PCBP3: variants seen among roughly 807,000 people sequenced by gnomAD.
The protein encoded by PCBP3 is poly(rC)-binding protein 3.
PCBP3 carries 25 observed loss-of-function variants against 52.7 expected under a neutral mutation model. The ratio of observed to expected loss-of-function variants is 0.47; its 90% CI spans 0.35 to 0.66. The LOEUF (loss-of-function observed/expected upper bound fraction) is 0.66, where lower values mean the gene tolerates loss of function less well. Ranked by LOEUF, PCBP3 falls within the 30% of genes least tolerant of loss-of-function variation. The pLI, the probability that PCBP3 is intolerant of heterozygous loss-of-function variation, is 0.01. For missense variants in PCBP3, 391 were observed against 490.3 expected, an observed-to-expected ratio of 0.80 and a Z score of 1.91; for synonymous variants, 162 against 183.0, an observed-to-expected ratio of 0.89 and a Z score of 0.93.
chr21:45,875,323 G>C (rs977750301), intron 5 of PCBP3, among the ~76,000 whole-genome samples: 9 of 152,226 alleles, frequency 5.9e-5, no homozygotes, highest in African/African-American at 2.4e-5. Context: ...TGCTGCACAT[G>C]TGCTGGCAGC....
intron 10 of PCBP3, among the ~76,000 whole-genome samples, chr21:45,909,714 CA>C (rs1371034887): frequency 4.7e-5 from 7 of 149,994 alleles, no homozygotes; most frequent in African/African-American, 7.4e-5. Context: ...CGGACCCGGC[CA>C]CCCACTGCCC....
intron 5 of PCBP3, among the ~76,000 whole-genome samples, chr21:45,860,238 G>A (rs771355935): frequency 6.6e-6 from 1 of 152,274 alleles, no homozygotes; most frequent in South Asian, 2.1e-4. Context: ...AGGGTACATC[G>A]GTGCCCTTCT....
chr21:45,901,393 C>G, intron 9 of PCBP3: 1 of 384,360 alleles, frequency 2.6e-6, no homozygotes, highest in Admixed American at 3.7e-5. Flanking sequence ...CCTGGGGCAC[C>G]GAGCACGGCC....
chr21:45,783,913 A>C (rs2090842422), intron 4 of PCBP3, among the ~76,000 whole-genome samples: 1 of 152,202 alleles, frequency 6.6e-6, no homozygotes, highest in African/African-American at 2.4e-5. Flanking sequence ...CACACACACA[A>C]AGCACGGAAT....
rs189218576 is a variant in PCBP3 at position 45,865,801 on chromosome 21, C to G, written c.10+15706C>G. ...GGGACTGGTGCTGCTTCTGCACGGCCAGGACCTCGGCAGGGCAGGCGGCTG... is the reference window on the plus strand; with the variant it reads ...GGGACTGGTGCTGCTTCTGCACGGCGAGGACCTCGGCAGGGCAGGCGGCTG... On this transcript the variant is annotated intron_variant, in intron 5 of 17. Coordinates refer to ENST00000681687, the MANE Select transcript of PCBP3 (RefSeq NM_001384156.1). 1.8e-3 allele frequency among the ~76,000 whole-genome samples: 278 copies of G among 152,350 alleles called. 1 individual carries two copies. The highest frequency in any genetic ancestry group is 0.011 in the South Asian group (55 of 4,830).
intron 6 of PCBP3, among the ~76,000 whole-genome samples, 178 bp downstream of exon 6, chr21:45,896,540 T>C (rs1173153316): frequency 7.7e-5 from 11 of 143,202 alleles, no homozygotes; most frequent in African/African-American, 2.7e-4. Context: ...GAACCGGAGA[T>C]GCACTGCCCG....
rs1415202004 is a variant in PCBP3, at chr21:45,724,466, C to T, written c.-199-10926C>T. Among the ~76,000 whole-genome samples, 6 of 152,202 alleles carry T rather than the reference C, an allele frequency of 3.9e-5. 1 individual carries two copies. Among genetic ancestry groups the T allele is most frequent in the Admixed American group, 3.3e-4 (5 of 15,284 alleles). The stretch of plus-strand genomic sequence containing the variant: ...CCAACGGGGCAGCCCCAGAAGCCAA[C>T]ACTGCATGTTGGAAGGAGTCCCAGC... On this transcript the variant is annotated intron_variant, in intron 2 of 17. Transcript: ENST00000681687. The surrounding 1 kb of genome is among the most constrained non-coding windows in gnomAD (Gnocchi z 5.3).
At chr21:45,754,715 G>C (rs546517537) in intron 3 of PCBP3, among the ~76,000 whole-genome samples, 3 of 152,088 alleles carry the variant, frequency 2.0e-5, no homozygotes. Flanking sequence ...TGCTCCTCTG[G>C]GTTGAAATTC....
chr21:45,709,547 G>A (rs1381489283), intron 2 of PCBP3, among the ~76,000 whole-genome samples: 2 of 151,386 alleles, frequency 1.3e-5, no homozygotes, highest in Non-Finnish European at 1.5e-5. Flanking sequence ...AGACTAAGAC[G>A]GGGACCTTTT....
At chr21:45,662,997 T>C (rs549673012) in intron 1 of PCBP3, among the ~76,000 whole-genome samples, 4 of 152,344 alleles carry the variant, frequency 2.6e-5, no homozygotes, top group Admixed American at 2.0e-4. Flanking sequence ...CACAGTTATC[T>C]GGAGGCTTAA....
rs1014105686 is a variant in PCBP3 at position 45,656,646 on chromosome 21, TA to T, written c.-278-12220del. On this transcript the variant is annotated intron_variant, in intron 1 of 17. Transcript: ENST00000681687. This position sits in a 1 kb window ranked among gnomAD's most constrained non-coding sequence, Gnocchi z 4.3. ...TTCCAGAACTTAAAGTATAATAAAT[TA>T]AAAAAAATAGCTGAAAACAAAAACA... Among the ~76,000 whole-genome samples the T allele has an allele frequency of 2.6e-5, 4 of 151,796 alleles. No homozygotes were observed. Among genetic ancestry groups the T allele is most frequent in the South Asian group, 2.1e-4 (1 of 4,800 alleles).
chr21:45,833,568 G>T (rs949404795), intron 4 of PCBP3, among the ~76,000 whole-genome samples: 9 of 152,028 alleles, frequency 5.9e-5, no homozygotes, highest in Non-Finnish European at 1.0e-4. Context: ...TGGAGGAGGG[G>T]AGAAGGGCTT....
intron 2 of PCBP3, among the ~76,000 whole-genome samples, chr21:45,687,838 C>G (rs2082241964): frequency 6.6e-6 from 1 of 151,914 alleles, no homozygotes. Flanking sequence ...TCATGCCATT[C>G]TCCTGCCTCA....
intron 10 of PCBP3, among the ~76,000 whole-genome samples, chr21:45,909,796 CCCCCACCCACT>C (rs2096302528): frequency 1.5e-5 from 1 of 68,198 alleles, no homozygotes. Flanking sequence ...ACGGACCCCC[CCCCCACCCACT>C]GCCCAGATAC....
chr21:45,914,057 C>T (rs1195213441), intron 12 of PCBP3, 32 bp downstream of exon 12: 1 of 1,612,750 alleles, frequency 6.2e-7, no homozygotes, highest in East Asian at 2.2e-5. Context: ...GCCTCCACTG[C>T]CAACCTCAGC....
At position 45,928,021 on chromosome 21, in the gene PCBP3, C is replaced by T. The variant is rs992832470; in HGVS notation, c.718-1896C>T. On this transcript the variant is annotated intron_variant, in intron 13 of 17. Transcript: ENST00000681687. The surrounding 1 kb of genome is among the most constrained non-coding windows in gnomAD (Gnocchi z 4.1). ...ATTTGCCAGGAGTGTCTCACCCCGC[C>T]GTGGGCGATCTTGCCTGCAGCTCTC... 2.6e-5 allele frequency among the ~76,000 whole-genome samples: 4 copies of T among 152,230 alleles called. No homozygotes were observed. The highest frequency in any genetic ancestry group is 1.3e-4 in the Admixed American group (2 of 15,288).
chr21:45,820,234 G>A (rs568011970), intron 4 of PCBP3, among the ~76,000 whole-genome samples: 17 of 152,350 alleles, frequency 1.1e-4, no homozygotes, highest in Admixed American at 5.9e-4. Context: ...AAGTGTATCC[G>A]TCCTGGGAAC....
Position 45,917,939 on chromosome 21 carries a change from G to A in PCBP3, c.717+310G>A, listed in dbSNP as rs2073777249. 2 of 384,692 alleles carry A rather than the reference G, an allele frequency of 5.2e-6. No individual in the cohort carries two copies. The highest frequency in any genetic ancestry group is 2.7e-5 in the South Asian group (1 of 37,198). The allele number at this position is 384,692 out of a possible 1,614,324, so 23.8% of individuals were successfully genotyped here. Reference sequence around the variant, plus strand: ...GCTCTGTCCCCGTGCAGGGCAGTGAGGATGTGCTCACCCGCCACAGGCAGG... The same window carrying A: ...GCTCTGTCCCCGTGCAGGGCAGTGAAGATGTGCTCACCCGCCACAGGCAGG... On this transcript the variant is annotated intron_variant, in intron 13 of 17. Coordinates refer to ENST00000681687, the MANE Select transcript of PCBP3 (RefSeq NM_001384156.1). The surrounding 1 kb of genome is among the most constrained non-coding windows in gnomAD (Gnocchi z 5.3).
At chr21:45,766,944 C>G (rs954653522) in intron 4 of PCBP3, among the ~76,000 whole-genome samples, 1 of 152,222 alleles carries the variant, frequency 6.6e-6, no homozygotes, top group Non-Finnish European at 1.5e-5. Flanking sequence ...CTGTCAGACA[C>G]TGACTAGAAA....
Sources: gnomAD v4.1 joint callset for allele counts (sites outside exome capture counted in the v4.1 genomes callset) on GRCh38, gnomAD v4.1.1 for gene constraint, Gnocchi (gnomAD v3.1) non-coding constraint, MANE v1.5 for transcripts, NCBI Gene and HGNC (gene_info 2026-07-23, HGNC 2026-07-21) for gene names.